Variants in ECPAS observed in about 807,000 individuals in gnomAD.
ECPAS encodes the protein Ecm29 proteasome adaptor and scaffold.
A neutral mutation model predicts 255.1 loss-of-function variants in ECPAS; 70 were observed. That is an observed-to-expected ratio of 0.27 (90% CI 0.23 to 0.33). The LOEUF is 0.33. ECPAS is among the 10% of genes least tolerant of loss of function. The probability of loss-of-function intolerance (pLI) is 1.00; values close to 1 mark genes in which losing one functional copy is unlikely to be tolerated. For synonymous variants in ECPAS, 784 were observed against 775.0 expected (o/e 1.01, Z -0.19); for missense variants, 1,817 against 2,206.4 (o/e 0.82, Z 3.54).
chr9:111,386,332 A>G (rs1362119307), intron 32 of ECPAS, 45 bp downstream of exon 32: 2 of 1,244,142 alleles, frequency 1.6e-6, no homozygotes, highest in Non-Finnish European at 2.3e-6. Context: ...GAAGGGAAAA[A>G]AATTCAGTTT....
chr9:111,423,595 A>G (rs2098217471), intron 12 of ECPAS, among the ~76,000 whole-genome samples: 1 of 152,228 alleles, frequency 6.6e-6, no homozygotes, highest in African/African-American at 2.4e-5. Context: ...ACCAAAGTTC[A>G]TCTTCAACAC....
chr9:111,385,581 C>T, intron 32 of ECPAS, 139 bp from the exon 33 acceptor site: 1 of 635,230 alleles, frequency 1.6e-6, no homozygotes, highest in Non-Finnish European at 2.8e-6. Context: ...AATGACTTCT[C>T]TCCAGGTCCC....
intron 13 of ECPAS, 31 bp downstream of exon 13, chr9:111,423,168 C>A: frequency 6.8e-7 from 1 of 1,473,958 alleles, no homozygotes; most frequent in Non-Finnish European, 9.3e-7. Context: ...TTACCAACAC[C>A]ATATCTCTCA....
intron 7 of ECPAS, among the ~76,000 whole-genome samples, chr9:111,433,611 G>A (rs945371529): frequency 5.9e-5 from 9 of 152,008 alleles, no homozygotes; most frequent in African/African-American, 1.7e-4. Flanking sequence ...TAAAAATACC[G>A]AGGCAAGGCT....
intron 24 of ECPAS, among the ~76,000 whole-genome samples, chr9:111,407,317 G>A (rs1288225542): frequency 7.3e-6 from 1 of 137,662 alleles, no homozygotes; most frequent in African/African-American, 2.9e-5. Flanking sequence ...AAGGAGAATC[G>A]CTTGAACCCG....
chr9:111,409,777 T>C (rs1165446988), intron 23 of ECPAS, among the ~76,000 whole-genome samples: 1 of 152,178 alleles, frequency 6.6e-6, no homozygotes, highest in Non-Finnish European at 1.5e-5. Flanking sequence ...TATTTCCTGA[T>C]GAATTTAATA....
chr9:111,435,696 T>C (rs1263855112), intron 7 of ECPAS, among the ~76,000 whole-genome samples: 2 of 151,052 alleles, frequency 1.3e-5, no homozygotes, highest in Non-Finnish European at 3.0e-5. Flanking sequence ...TTTTTTTTTT[T>C]TGAGATGGAG....
chr9:111,482,587 A>G (rs1320200812), intron 1 of ECPAS, among the ~76,000 whole-genome samples: 2 of 152,182 alleles, frequency 1.3e-5, no homozygotes, highest in Non-Finnish European at 2.9e-5. Flanking sequence ...TCCATTTAAA[A>G]CCCACATCAT....
intron 13 of ECPAS, 126 bp downstream of exon 13, chr9:111,423,073 C>T (rs975617754): frequency 3.5e-5 from 24 of 690,260 alleles, no homozygotes; most frequent in African/African-American, 3.3e-4. Context: ...TTCTAAACAA[C>T]CTATGACCAT....
intron 7 of ECPAS, among the ~76,000 whole-genome samples, chr9:111,435,196 G>A (rs1261721492): frequency 1.3e-5 from 2 of 152,066 alleles, no homozygotes; most frequent in African/African-American, 4.8e-5. Context: ...ACGACACCCA[G>A]CCCCTTAATT....
chr9:111,425,680 C>A, intron 11 of ECPAS, 63 bp downstream of exon 11: 1 of 1,078,054 alleles, frequency 9.3e-7, no homozygotes, highest in Non-Finnish European at 1.4e-6. Context: ...AAACGATACA[C>A]TTGAAGCACT....
At chr9:111,380,109 T>A (rs552398905) in intron 35 of ECPAS, among the ~76,000 whole-genome samples, 1 of 152,372 alleles carries the variant, frequency 6.6e-6, no homozygotes, top group East Asian at 1.9e-4. Flanking sequence ...CAATGGCAGC[T>A]CTAGCCTTAC....
chr9:111,411,211 CTG>C, intron 21 of ECPAS, 69 bp from the exon 22 acceptor site: 1 of 1,475,416 alleles, frequency 6.8e-7, no homozygotes, highest in Non-Finnish European at 9.3e-7. Context: ...ATGGCAGTAA[CTG>C]TGTGTCGATT....
At chr9:111,421,824 A>T in intron 15 of ECPAS, 97 bp downstream of exon 15, 1 of 1,398,412 alleles carries the variant, frequency 7.2e-7, no homozygotes, top group Non-Finnish European at 9.7e-7. Flanking sequence ...AGTGAAAGCA[A>T]ATACTCCTCT....
At chr9:111,438,507 C>T (rs1488140400) in intron 6 of ECPAS, among the ~76,000 whole-genome samples, 1 of 152,128 alleles carries the variant, frequency 6.6e-6, no homozygotes, top group Non-Finnish European at 1.5e-5. Context: ...ACTCAGAAGG[C>T]TGAGGTGAGA....
rs118185198 is a variant in ECPAS, at chr9:111,392,997, G to A, written c.2978-115C>T. 5,575 of 628,756 alleles carry A rather than the reference G, an allele frequency of 8.9e-3. 68 individuals carry two copies. The highest frequency in any genetic ancestry group is 0.028 in the South Asian group (1,403 of 49,504). 38.9% of individuals were successfully genotyped at this position (628,756 alleles called of 1,614,324 possible). A position where few individuals can be genotyped will look rare whatever the true frequency, so the allele number is the denominator to read the frequency against. On this transcript the variant is annotated intron_variant, in intron 27 of 49. Transcript: ENST00000684092. ...TGACCCAAAATGATATCAAAGTAAA[G>A]ATATAAAAACAGAATCAATATGCCT...
chr9:111,445,838 C>G (rs537883350), intron 3 of ECPAS, among the ~76,000 whole-genome samples: 46 of 152,152 alleles, frequency 3.0e-4, no homozygotes, highest in Non-Finnish European at 6.3e-4. Flanking sequence ...GCCCCACCCC[C>G]CACAACAGGC....
intron 17 of ECPAS, 134 bp downstream of exon 17, chr9:111,417,749 A>T: frequency 1.0e-6 from 1 of 970,902 alleles, no homozygotes; most frequent in Non-Finnish European, 1.4e-6. Context: ...TCCATCTCAA[A>T]AAAAAAAAAG....
At chr9:111,483,428 T>C in intron 1 of ECPAS, 1 of 775,110 alleles carries the variant, frequency 1.3e-6, no homozygotes, top group Non-Finnish European at 1.6e-6. Flanking sequence ...GCCCCAGCCC[T>C]CATGCGGCCG....
Sources: gnomAD v4.1 joint callset for allele counts (sites outside exome capture counted in the v4.1 genomes callset) on GRCh38, gnomAD v4.1.1 for gene constraint, MANE v1.5 for transcripts, NCBI Gene and HGNC (gene_info 2026-07-23, HGNC 2026-07-21) for gene names.